Variants in CNBD2 observed in about 807,000 individuals in gnomAD.
CNBD2 encodes the protein cyclic nucleotide binding domain containing 2, also known as cyclic nucleotide-binding domain-containing protein 2.
Under a neutral mutation model 63.7 loss-of-function variants are expected in CNBD2, and 64 were observed. The ratio of observed to expected loss-of-function variants is 1.00; its 90% CI spans 0.82 to 1.24. CNBD2 has a LOEUF of 1.24. Among genes scored for constraint, CNBD2 ranks in the 50% most tolerant of loss-of-function variants. The probability of loss-of-function intolerance (pLI) is 0.00; values close to 1 mark genes in which losing one functional copy is unlikely to be tolerated. For synonymous variants in CNBD2, 229 were observed against 255.4 expected (o/e 0.90, Z 0.99); for missense variants, 691 against 713.5 (o/e 0.97, Z 0.36).
chr20:35,998,040 C>CTTTTTTTTTTTTTTTTTTTTTT, intron 8 of CNBD2, among the ~76,000 whole-genome samples: 1 of 127,118 alleles, frequency 7.9e-6, no homozygotes. Flanking sequence ...TTTTCTTTTT[C>CTTTTTTTTTTTTTTTTTTTTTT]TTTTTTTTTT....
chr20:36,001,622 G>A (rs1236934538), intron 8 of CNBD2, among the ~76,000 whole-genome samples: 920 of 123,762 alleles, frequency 7.4e-3, no homozygotes, highest in South Asian at 0.011. Flanking sequence ...CAGGCGGAGG[G>A]GCTCCTCACT....
chr20:36,011,616 A>G (rs2057062782), intron 10 of CNBD2, among the ~76,000 whole-genome samples: 1 of 152,166 alleles, frequency 6.6e-6, no homozygotes, highest in Non-Finnish European at 1.5e-5. Flanking sequence ...TACCACTCCT[A>G]TTCAACATTG....
At chr20:36,006,326 C>T (rs1396924954) in intron 8 of CNBD2, among the ~76,000 whole-genome samples, 1 of 152,062 alleles carries the variant, frequency 6.6e-6, no homozygotes, top group Non-Finnish European at 1.5e-5. Context: ...CCACACCCGG[C>T]TGGAGATCTC....
chr20:35,954,703 G>T, upstream of CNBD2: 1 of 1,066,294 alleles, frequency 9.4e-7, no homozygotes, highest in Non-Finnish European at 1.2e-6. Context: ...TGAATGTTTG[G>T]AGATAGACTT....
intron 10 of CNBD2, among the ~76,000 whole-genome samples, chr20:36,018,064 G>C (rs945060143): frequency 2.6e-5 from 4 of 152,214 alleles, no homozygotes; most frequent in Admixed American, 2.0e-4. Context: ...AGTTTCCCCT[G>C]TTATTAACAT....
chr20:35,962,998 G>A (rs1242071905), intron 2 of CNBD2, among the ~76,000 whole-genome samples: 1 of 152,056 alleles, frequency 6.6e-6, no homozygotes, highest in South Asian at 2.1e-4. Flanking sequence ...TTCTTTTTAG[G>A]TGGTGGTAGT....
upstream of CNBD2, chr20:35,954,396 T>C: frequency 6.4e-7 from 1 of 1,560,852 alleles, no homozygotes; most frequent in Non-Finnish European, 8.7e-7. Context: ...AGAGCTCGCG[T>C]CACCCTTGAG....
upstream of CNBD2, among the ~76,000 whole-genome samples, chr20:35,966,288 C>T (rs981253610): frequency 1.3e-5 from 2 of 152,212 alleles, no homozygotes; most frequent in African/African-American, 4.8e-5. Flanking sequence ...TGTCCCTTCT[C>T]ACCTCTGTGT....
intron 2 of CNBD2, among the ~76,000 whole-genome samples, chr20:35,962,257 CTTT>C (rs917656604): frequency 7.6e-5 from 10 of 131,514 alleles, no homozygotes; most frequent in Admixed American, 7.9e-5. Context: ...TCCCTGCAGT[CTTT>C]TTTTTTTTTT....
chr20:36,022,195 CTTTTTTTTTTT>C (rs753206662), intron 10 of CNBD2, among the ~76,000 whole-genome samples: 570 of 56,310 alleles, frequency 0.01, 6 homozygotes, highest in South Asian at 0.016. Flanking sequence ...TTTTTTTTTT[CTTTTTTTTTTT>C]TTTTTTTTTT....
chr20:36,014,203 T>C (rs905414210), intron 10 of CNBD2, among the ~76,000 whole-genome samples: 4 of 133,300 alleles, frequency 3.0e-5, no homozygotes, highest in South Asian at 5.2e-4. Flanking sequence ...AAAGGAAATA[T>C]GTATAGGTAT....
At chr20:35,977,790 A>G (rs931089084) in intron 3 of CNBD2, among the ~76,000 whole-genome samples, 3 of 152,222 alleles carry the variant, frequency 2.0e-5, no homozygotes, top group African/African-American at 4.8e-5. Context: ...TGATTGTTGT[A>G]CAACTCTGTG....
At chr20:35,972,970 C>T in intron 2 of CNBD2, 1 of 590,014 alleles carries the variant, frequency 1.7e-6, no homozygotes, top group Non-Finnish European at 3.0e-6. Flanking sequence ...TAATACTGAA[C>T]CCCAGATTTA....
rs906556175 is a variant in CNBD2, at chr20:35,972,305, C to T, written c.52-324C>T. 4.4e-4 allele frequency among the ~76,000 whole-genome samples: 67 copies of T among 152,110 alleles called. 1 individual carries two copies. Among genetic ancestry groups the T allele is most frequent in the Non-Finnish European group, 1.2e-4 (8 of 68,026 alleles). On this transcript the variant is annotated intron_variant, in intron 1 of 11. Transcript: ENST00000373973. ...CCTATACTGCCTGCAATTAGTCGTG[C>T]CACTTATTTTGTGGATGGAATTGAA...
rs146550629 is a variant in CNBD2 at position 35,986,754 on chromosome 20, T to C, written c.717-641T>C. 5.4e-3 allele frequency among the ~76,000 whole-genome samples: 817 copies of C among 152,068 alleles called. 6 individuals carry two copies. Among genetic ancestry groups the C allele is most frequent in the African/African-American group, 0.019 (790 of 41,462 alleles). ...CCTTAACCTGTTGGAGGTGAGAAAA[T>C]CTGAGATGATTGTTGGCAGCACTTG... is the stretch of plus-strand genomic sequence containing the variant. On this transcript the variant is annotated intron_variant, in intron 6 of 11. Transcript: ENST00000373973.
At chr20:35,954,482 G>A (rs35562811), upstream of CNBD2, 9 of 1,545,776 alleles carry the variant, frequency 5.8e-6, no homozygotes, top group East Asian at 2.5e-5. Flanking sequence ...AGCCGGAAGC[G>A]AAAGTCTCTG....
rs1364249616 is a variant in CNBD2, at chr20:35,972,747, C to A, written c.170C>A (p.Pro57His). Reference sequence around the variant, plus strand: ...ATTGAGACTGCTCACTGGAAGCACCCTATCTTCTCCTTCTGGGATGTAAGC... The same window carrying A: ...ATTGAGACTGCTCACTGGAAGCACCATATCTTCTCCTTCTGGGATGTAAGC... Reference protein sequence around the residue: ...QIIETAHWKHPIFSFWDKKMQ... With the variant: ...QIIETAHWKHHIFSFWDKKMQ... The change falls in exon 2 of 12, where the codon CCT becomes CAT. Residue 57 changes from proline to histidine, a missense_variant. By Grantham distance (77) the Pro-to-His change is moderately conservative. Coordinates refer to ENST00000373973, the MANE Select transcript of CNBD2 (RefSeq NM_001365709.1). 2 of 1,614,152 alleles carry A rather than the reference C, an allele frequency of 1.2e-6. No individual in the cohort carries two copies. Among genetic ancestry groups the A allele is most frequent in the East Asian group, 4.5e-5 (2 of 44,886 alleles).
intron 11 of CNBD2, among the ~76,000 whole-genome samples, chr20:36,027,909 G>A (rs947557477): frequency 1.3e-5 from 2 of 151,978 alleles, no homozygotes; most frequent in Admixed American, 6.6e-5. Context: ...GAGGTGATCC[G>A]CCCACCTCGG....
intron 10 of CNBD2, among the ~76,000 whole-genome samples, chr20:36,015,448 C>G (rs555153971): frequency 6.6e-6 from 1 of 152,044 alleles, no homozygotes; most frequent in Non-Finnish European, 1.5e-5. Context: ...TTGCCCAGGC[C>G]AATGTCAAGA....
Sources: allele counts gnomAD v4.1 joint callset (sites outside exome capture counted in the v4.1 genomes callset), GRCh38; gene constraint gnomAD v4.1.1; transcripts MANE v1.5; gene names NCBI Gene and HGNC (gene_info 2026-07-23, HGNC 2026-07-21).